Variants in TNKS observed in about 807,000 individuals in gnomAD.
TNKS encodes the protein tankyrase, also known as poly [ADP-ribose] polymerase tankyrase-1.
Under a neutral mutation model 135.8 loss-of-function variants are expected in TNKS, and 72 were observed. The ratio of observed to expected loss-of-function variants is 0.53; its 90% confidence interval spans 0.44 to 0.64. The LOEUF (loss-of-function observed/expected upper bound fraction) is 0.64. Among genes scored for constraint, TNKS ranks in the 30% least tolerant of loss-of-function variants. The pLI is 0.00. For synonymous variants in TNKS, 849 were observed against 649.3 expected, an observed-to-expected ratio of 1.31 and a Z score of -4.68; for missense variants, 1,769 against 1,674.0, an observed-to-expected ratio of 1.06 and a Z score of -0.99.
At chr8:9,744,426 G>A (rs1434520250) in intron 17 of TNKS, among the ~76,000 whole-genome samples, 1 of 152,086 alleles carries the variant, frequency 6.6e-6, no homozygotes, top group African/African-American at 2.4e-5. Flanking sequence ...TTGTAATAAA[G>A]CCTCTGTACA....
At chr8:9,751,107 A>C (rs2128828122) in intron 18 of TNKS, among the ~76,000 whole-genome samples, 1 of 152,276 alleles carries the variant, frequency 6.6e-6, no homozygotes, top group Non-Finnish European at 1.5e-5. Context: ...TGACGGGAGG[A>C]AGGAATTGAT....
chr8:9,714,711 A>G (rs907629634), intron 11 of TNKS, among the ~76,000 whole-genome samples: 2 of 152,186 alleles, frequency 1.3e-5, no homozygotes, highest in East Asian at 3.8e-4. Context: ...GAGTAATTAT[A>G]TTACCTGGAA....
chr8:9,735,002 A>T lies in TNKS; in HGVS notation c.2451A>T (p.Ala817=). The change falls in exon 16 of 27, where the codon GCA becomes GCT. Residue 817 remains alanine (A), a synonymous_variant. Coordinates refer to ENST00000310430, the MANE Select transcript of TNKS (RefSeq NM_003747.3). Reference sequence around the variant, plus strand: ...ATGCTGCCAAGAAGGGCTGCCTGGCAAGAGTGCAGAAGCTCTGTACCCCAG... The same window carrying T: ...ATGCTGCCAAGAAGGGCTGCCTGGCTAGAGTGCAGAAGCTCTGTACCCCAG... ...LLDAAKKGCL[A]RVQKLCTPEN... 1 of 1,614,136 alleles carries T rather than the reference A, an allele frequency of 6.2e-7. No individual in the cohort carries two copies. Among genetic ancestry groups the T allele is most frequent in the Admixed American group, 1.7e-5 (1 of 60,024 alleles).
chr8:9,707,117 A>C lies in TNKS; in HGVS notation c.1456+120A>C, dbSNP rs749047236. The C allele has an allele frequency of 4.2e-5, 35 of 841,860 alleles. 1 individual carries two copies. The highest frequency in any genetic ancestry group is 3.7e-4 in the Middle Eastern group (1 of 2,704). The allele number at this position is 841,860 out of a possible 1,614,324, so 52.1% of individuals were successfully genotyped here. A position where few individuals can be genotyped will look rare whatever the true frequency, so the allele number is the denominator to read the frequency against. On this transcript the variant is annotated intron_variant, in intron 8 of 26. Coordinates refer to ENST00000310430, the MANE Select transcript of TNKS (RefSeq NM_003747.3). Reference sequence around the variant, plus strand: ...ACAAGCAGACTAATTCATAATCCTCATTTCTAATTGTATACTTTTCTTCAT... The same window carrying C: ...ACAAGCAGACTAATTCATAATCCTCCTTTCTAATTGTATACTTTTCTTCAT...
At position 9,734,904 on chromosome 8, in the gene TNKS, A is replaced by G; in HGVS notation, c.2353A>G (p.Thr785Ala). Residue 785 changes from threonine (T) to alanine (A), a missense_variant, in exon 16 of 27, where the codon ACA becomes GCA. This residue lies in a region of TNKS where 722 missense variants were observed against 688.9 expected (regional missense o/e 1.05). Coordinates refer to ENST00000310430, the MANE Select transcript of TNKS (RefSeq NM_003747.3). Reference sequence around the variant, plus strand: ...AACTAAAAAGAACAGAGATGGAAATACACCTTTGGATTTGGTAAAGGAAGG... The same window carrying G: ...AACTAAAAAGAACAGAGATGGAAATGCACCTTTGGATTTGGTAAAGGAAGG... ...DPTKKNRDGNTPLDLVKEGDT... is the reference protein window; with the variant it reads ...DPTKKNRDGNAPLDLVKEGDT... 1 of 1,614,172 alleles carries G rather than the reference A, an allele frequency of 6.2e-7. No homozygotes were observed. Among genetic ancestry groups the G allele is most frequent in the Non-Finnish European group, 8.5e-7 (1 of 1,180,016 alleles).
At chr8:9,756,421 C>T (rs1040167113) in intron 20 of TNKS, among the ~76,000 whole-genome samples, 7 of 151,922 alleles carry the variant, frequency 4.6e-5, no homozygotes, top group East Asian at 1.9e-4. Flanking sequence ...TTAACTGACA[C>T]GTGGATAATC....
intron 3 of TNKS, among the ~76,000 whole-genome samples, chr8:9,634,455 A>T (rs763957204): frequency 3.9e-5 from 6 of 152,184 alleles, no homozygotes; most frequent in Admixed American, 1.3e-4. Flanking sequence ...GGGAATTTCA[A>T]ACCAACTTTG....
intron 5 of TNKS, among the ~76,000 whole-genome samples, chr8:9,698,247 C>T (rs1401906713): frequency 6.6e-6 from 1 of 151,956 alleles, no homozygotes; most frequent in Non-Finnish European, 1.5e-5. Flanking sequence ...TTGCAGACTA[C>T]TAGAGCGGGC....
chr8:9,563,001 A>G (rs577340022), intron 1 of TNKS, among the ~76,000 whole-genome samples: 2 of 151,958 alleles, frequency 1.3e-5, no homozygotes, highest in African/African-American at 4.8e-5. Flanking sequence ...TATACTTTTT[A>G]TTATTCGTTC....
At chr8:9,711,527 T>C (rs1804333855) in intron 11 of TNKS, among the ~76,000 whole-genome samples, 1 of 152,162 alleles carries the variant, frequency 6.6e-6, no homozygotes, top group African/African-American at 2.4e-5. Context: ...CTGACATGCT[T>C]TTATAGTGTA....
chr8:9,681,484 T>G (rs562868520), intron 5 of TNKS, among the ~76,000 whole-genome samples: 33 of 152,214 alleles, frequency 2.2e-4, no homozygotes, highest in African/African-American at 7.9e-4. Flanking sequence ...ATTGCAGAGT[T>G]TTGTAGTGAT....
intron 17 of TNKS, among the ~76,000 whole-genome samples, chr8:9,736,480 C>G (rs894299461): frequency 6.6e-6 from 1 of 151,998 alleles, no homozygotes; most frequent in Admixed American, 6.5e-5. Flanking sequence ...CTTGCCCACG[C>G]CTATGTCCTG....
At chr8:9,744,739 G>A (rs138893725) in intron 17 of TNKS, among the ~76,000 whole-genome samples, 4 of 152,236 alleles carry the variant, frequency 2.6e-5, no homozygotes, top group African/African-American at 7.2e-5. Flanking sequence ...TGCCTCAATG[G>A]TGTAGCTATT....
intron 2 of TNKS, among the ~76,000 whole-genome samples, chr8:9,580,813 T>C (rs1381911098): frequency 6.6e-6 from 1 of 152,148 alleles, no homozygotes; most frequent in Non-Finnish European, 1.5e-5. Context: ...TTTTGAGTGT[T>C]TTGAATACAG....
chr8:9,665,487 A>C (rs1801942821), intron 3 of TNKS, among the ~76,000 whole-genome samples: 1 of 152,166 alleles, frequency 6.6e-6, no homozygotes, highest in Admixed American at 6.5e-5. Flanking sequence ...GAATTCACCA[A>C]TGCCTTTGGT....
At chr8:9,581,325 A>G (rs1585193416) in intron 2 of TNKS, among the ~76,000 whole-genome samples, 1 of 152,032 alleles carries the variant, frequency 6.6e-6, no homozygotes. Flanking sequence ...AAAAAATCAC[A>G]TTTTCTGTCA....
chr8:9,680,628 G>A, intron 4 of TNKS, 97 bp from the exon 5 acceptor site: 1 of 776,398 alleles, frequency 1.3e-6, no homozygotes. Context: ...AGAAATCAAA[G>A]CAAACCCATA....
chr8:9,705,559 A>G (rs1447206412), intron 6 of TNKS, among the ~76,000 whole-genome samples: 1 of 152,162 alleles, frequency 6.6e-6, no homozygotes, highest in East Asian at 1.9e-4. Flanking sequence ...GAATTCTTCC[A>G]TTTCCAATCT....
At chr8:9,764,814 G>A in intron 23 of TNKS, 24 bp downstream of exon 23, 15 of 1,558,880 alleles carry the variant, frequency 9.6e-6, no homozygotes, top group Non-Finnish European at 1.3e-5. Flanking sequence ...GTTTCATGGT[G>A]AAAACTGGAT....
Sources: gnomAD v4.1 joint callset for allele counts (sites outside exome capture counted in the v4.1 genomes callset) on GRCh38, gnomAD v4.1.1 for gene constraint, gnomAD v4.1.1 regional missense constraint, MANE v1.5 for transcripts, NCBI Gene and HGNC (gene_info 2026-07-23, HGNC 2026-07-21) for gene names.